The following ZFYVE9 variants were observed in gnomAD, a reference collection of about 807,000 sequenced individuals.
ZFYVE9 encodes the protein zinc finger FYVE-type containing 9, also known as zinc finger FYVE domain-containing protein 9.
Under a neutral mutation model 126.7 loss-of-function variants are expected in ZFYVE9, and 43 were observed. The observed-to-expected ratio is 0.34, with a 90% confidence interval of 0.27 to 0.44. The LOEUF is 0.44. ZFYVE9 is among the 20% of genes least tolerant of loss of function. The pLI is 1.00. For synonymous variants in ZFYVE9, 521 were observed against 597.4 expected, an observed-to-expected ratio of 0.87 and a Z score of 1.87; for missense variants, 1,476 against 1,697.0, an observed-to-expected ratio of 0.87 and a Z score of 2.29.
At chr1:52,186,742 C>T (rs771492276) in intron 1 of ZFYVE9, among the ~76,000 whole-genome samples, 11 of 152,014 alleles carry the variant, frequency 7.2e-5, no homozygotes, top group African/African-American at 1.9e-4. Context: ...AGTATTAATA[C>T]GTAGGAATAC....
intron 4 of ZFYVE9, among the ~76,000 whole-genome samples, chr1:52,255,968 CTT>C (rs531740960): frequency 1.4e-5 from 1 of 71,170 alleles, no homozygotes; most frequent in South Asian, 4.5e-4. Context: ...CTTTTCTTTT[CTT>C]TCTTTCTTTC....
chr1:52,165,191 T>C (rs1644501424), intron 1 of ZFYVE9, among the ~76,000 whole-genome samples: 2 of 152,150 alleles, frequency 1.3e-5, no homozygotes, highest in Non-Finnish European at 2.9e-5. Context: ...TTTCTTGTTT[T>C]TAATTATATA....
At chr1:52,206,127 A>G (rs1344832821) in intron 1 of ZFYVE9, among the ~76,000 whole-genome samples, 4 of 152,234 alleles carry the variant, frequency 2.6e-5, no homozygotes, top group Non-Finnish European at 5.9e-5. Context: ...TTATAAGGAT[A>G]TGACAATATC....
Position 52,244,466 on chromosome 1 carries a change from A to G in ZFYVE9, c.2178+4871A>G, listed in dbSNP as rs192065781. Among the ~76,000 whole-genome samples the G allele has an allele frequency of 5.3e-5, 8 of 152,316 alleles. No homozygotes were observed. In the East Asian group the frequency reaches 1.5e-3, roughly 29 times the overall value. On this transcript the variant is annotated intron_variant, in intron 4 of 18. Coordinates refer to ENST00000287727, the MANE Select transcript of ZFYVE9 (RefSeq NM_004799.4). Reference sequence around the variant, plus strand: ...AGGTTGGTTTATGAAGTTAGTGGTGAGAGCATGAAGAAATTTACACCTGAT... The same window carrying G: ...AGGTTGGTTTATGAAGTTAGTGGTGGGAGCATGAAGAAATTTACACCTGAT...
rs570343000 is a variant in ZFYVE9, at chr1:52,182,302, T to C, written c.-142-34067T>C. On this transcript the variant is annotated intron_variant, in intron 1 of 18. Coordinates refer to ENST00000287727, the MANE Select transcript of ZFYVE9 (RefSeq NM_004799.4). ...TGATGACAGTGGCGGTTTTGTGGAATAGAAAAGGGGGAAAGGTGGGGAAAA... is the reference window on the plus strand; with the variant it reads ...TGATGACAGTGGCGGTTTTGTGGAACAGAAAAGGGGGAAAGGTGGGGAAAA... Among the ~76,000 whole-genome samples, 185 of 152,152 alleles carry C rather than the reference T, an allele frequency of 1.2e-3. 1 individual carries two copies. The highest frequency in any genetic ancestry group is 4.0e-3 in the African/African-American group (168 of 41,518).
chr1:52,335,447 C>T (rs879485550), intron 15 of ZFYVE9, among the ~76,000 whole-genome samples: 12 of 152,158 alleles, frequency 7.9e-5, no homozygotes, highest in Admixed American at 7.2e-4. Context: ...TTCACACACA[C>T]GTCTGAGGCC....
chr1:52,255,565 A>G (rs1399018040), intron 4 of ZFYVE9, among the ~76,000 whole-genome samples: 1 of 150,194 alleles, frequency 6.7e-6, no homozygotes, highest in Non-Finnish European at 1.5e-5. Flanking sequence ...AGCCTGGGCA[A>G]CAAGAGCAAA....
chr1:52,253,156 A>C (rs1645469006), intron 4 of ZFYVE9, among the ~76,000 whole-genome samples: 1 of 152,204 alleles, frequency 6.6e-6, no homozygotes, highest in South Asian at 2.1e-4. Context: ...CCTGTCTCAA[A>C]AAAGAAAGAA....
At chr1:52,181,508 G>A (rs1276280427) in intron 1 of ZFYVE9, among the ~76,000 whole-genome samples, 3 of 152,150 alleles carry the variant, frequency 2.0e-5, no homozygotes, top group South Asian at 2.1e-4. Flanking sequence ...CCGCCACCCC[G>A]TCTGGGAAGG....
rs574469134 is a variant in ZFYVE9, at chr1:52,342,145, A to G, written c.3939+1914A>G. 2.0e-5 allele frequency among the ~76,000 whole-genome samples: 3 copies of G among 152,298 alleles called. No individual in the cohort carries two copies. The South Asian group carries it at 6.2e-4, about 32-fold the overall frequency. On this transcript the variant is annotated intron_variant, in intron 17 of 18. Coordinates refer to ENST00000287727, the MANE Select transcript of ZFYVE9 (RefSeq NM_004799.4). ...CCACCACTCTCCAGTGCATCCAGGT[A>G]CGGGGCTTCGGAGCTGCCTCCTTTG...
rs1411856666 is a variant in ZFYVE9, at chr1:52,238,207, T to G, written c.790T>G (p.Leu264Val). The G allele has an allele frequency of 6.2e-7, 1 of 1,614,066 alleles. No homozygotes were observed. The highest frequency in any genetic ancestry group is 8.5e-7 in the Non-Finnish European group (1 of 1,179,978). ...RDPSMSAITS[L>V]TVDSVISSQG... is the part of the protein sequence containing the mutation. ...CCCCTCCATGTCTGCGATTACAAGT[T>G]TAACGGTTGATTCAGTAATCTCATC... The change falls in exon 4 of 19, where the codon TTA becomes GTA. Residue 264 changes from leucine (L) to valine (V), a missense_variant. This residue lies in a region of ZFYVE9 where 807 missense variants were observed against 794.6 expected (regional missense o/e 1.02). Transcript: ENST00000287727.
chr1:52,331,887 G>A (rs1191268695), intron 13 of ZFYVE9, among the ~76,000 whole-genome samples: 1 of 148,852 alleles, frequency 6.7e-6, no homozygotes. Context: ...CATGCCATTC[G>A]CCTGCCTCAG....
intron 16 of ZFYVE9, among the ~76,000 whole-genome samples, chr1:52,338,459 A>G (rs947841381): frequency 3.3e-5 from 5 of 152,162 alleles, no homozygotes; most frequent in African/African-American, 1.2e-4. Context: ...CATCTTTGAC[A>G]CTTTTCTTTC....
intron 13 of ZFYVE9, among the ~76,000 whole-genome samples, chr1:52,319,189 T>C (rs1455334411): frequency 2.0e-5 from 3 of 152,190 alleles, no homozygotes; most frequent in Non-Finnish European, 4.4e-5. Flanking sequence ...CTACAAAATA[T>C]TGTTACGAGA....
chr1:52,203,464 C>T lies in ZFYVE9; in HGVS notation c.-142-12905C>T, dbSNP rs1014036695. ...TCCCAAAGTGGTGGGGTTACAGACC[C>T]GTCTTTTTTTTTTTTTTTTTTTTTT... is the stretch of plus-strand genomic sequence containing the variant. On this transcript the variant is annotated intron_variant, in intron 1 of 18. Transcript: ENST00000287727. Among the ~76,000 whole-genome samples the T allele has an allele frequency of 2.0e-4, 12 of 60,572 alleles. No homozygotes were observed. The South Asian group carries it at 2.3e-3, about 12-fold the overall frequency. The allele number at this position is 60,572 out of a possible 152,430, so 39.7% of individuals were successfully genotyped here.
chr1:52,281,101 T>G (rs146248566), intron 9 of ZFYVE9, among the ~76,000 whole-genome samples: 1,616 of 151,764 alleles, frequency 0.011, 22 homozygotes, highest in African/African-American at 0.036. Context: ...TTTCTTTTAC[T>G]TCCATTTCAA....
intron 1 of ZFYVE9, chr1:52,160,495 T>C: frequency 1.3e-6 from 1 of 793,998 alleles, no homozygotes; most frequent in Non-Finnish European, 2.3e-6. Context: ...TTTCTTCACC[T>C]GAAGCGGCTA....
intron 7 of ZFYVE9, among the ~76,000 whole-genome samples, chr1:52,269,877 T>C (rs979491122): frequency 9.2e-5 from 14 of 152,030 alleles, no homozygotes; most frequent in Non-Finnish European, 1.8e-4. Flanking sequence ...AGCCTTAACG[T>C]CCCAGGCTCA....
At chr1:52,335,659 A>G (rs1362718471) in intron 15 of ZFYVE9, among the ~76,000 whole-genome samples, 1 of 152,176 alleles carries the variant, frequency 6.6e-6, no homozygotes, top group Non-Finnish European at 1.5e-5. Context: ...CATTTCCACC[A>G]TACTCTGGTG....
Sources: gnomAD v4.1 joint callset for allele counts (sites outside exome capture counted in the v4.1 genomes callset) on GRCh38, gnomAD v4.1.1 for gene constraint, gnomAD v4.1.1 regional missense constraint, MANE v1.5 for transcripts, NCBI Gene and HGNC (gene_info 2026-07-23, HGNC 2026-07-21) for gene names.